Variants in FHIT observed in about 807,000 individuals in gnomAD.
FHIT encodes the protein fragile histidine triad diadenosine triphosphatase, also known as bis(5'-adenosyl)-triphosphatase.
Under a neutral mutation model 17.9 loss-of-function variants are expected in FHIT, and 19 were observed. The observed-to-expected ratio is 1.06, with a 90% confidence interval of 0.74 to 1.56. The LOEUF (loss-of-function observed/expected upper bound fraction) is 1.56. FHIT is among the 40% of genes most tolerant of loss of function. The probability of loss-of-function intolerance (pLI) is 0.00; values close to 1 mark genes in which losing one functional copy is unlikely to be tolerated. For missense variants in FHIT, 248 were observed against 189.2 expected (o/e 1.31, Z -1.82); for synonymous variants, 81 against 69.7 (o/e 1.16, Z -0.81).
At chr3:61,060,964 T>C (rs929541665) in intron 2 of FHIT, among the ~76,000 whole-genome samples, 1 of 152,234 alleles carries the variant, frequency 6.6e-6, no homozygotes, top group African/African-American at 2.4e-5. Context: ...TCACTCCTAC[T>C]GATTCATTTA....
At chr3:61,243,513 T>C (rs779826342) in intron 1 of FHIT, among the ~76,000 whole-genome samples, 10 of 152,216 alleles carry the variant, frequency 6.6e-5, no homozygotes, top group Admixed American at 4.6e-4. Flanking sequence ...GAAAACTTTA[T>C]AATAGGCAGC....
chr3:60,658,391 G>T (rs2682957), intron 4 of FHIT, among the ~76,000 whole-genome samples: 70,658 of 151,760 alleles, frequency 0.47, 17,991 homozygotes, highest in Non-Finnish European at 0.58. Context: ...CTTCTTGTGT[G>T]GTTAGTTTAT....
chr3:60,837,153 A>G (rs1424534602), intron 3 of FHIT, among the ~76,000 whole-genome samples: 1 of 152,124 alleles, frequency 6.6e-6, no homozygotes, highest in Non-Finnish European at 1.5e-5. Context: ...AGGCACAGTA[A>G]TTAGATACTA....
chr3:60,792,606 G>A (rs1700822151), intron 4 of FHIT, among the ~76,000 whole-genome samples: 1 of 152,190 alleles, frequency 6.6e-6, no homozygotes, highest in Non-Finnish European at 1.5e-5. Flanking sequence ...GATCAAACAT[G>A]ATTAAAAATG....
chr3:60,454,983 T>A (rs1249995853), intron 5 of FHIT, among the ~76,000 whole-genome samples: 1 of 152,070 alleles, frequency 6.6e-6, no homozygotes, highest in East Asian at 1.9e-4. Flanking sequence ...AGAGCTCTGA[T>A]ATGAACCCAA....
At chr3:60,625,333 AT>A (rs1270472390) in intron 4 of FHIT, among the ~76,000 whole-genome samples, 1 of 152,146 alleles carries the variant, frequency 6.6e-6, no homozygotes, top group Non-Finnish European at 1.5e-5. Context: ...TCATATGGCA[AT>A]TCGTTTTTCA....
At chr3:59,895,021 C>T (rs763250912) in intron 8 of FHIT, among the ~76,000 whole-genome samples, 1 of 152,188 alleles carries the variant, frequency 6.6e-6, no homozygotes, top group Non-Finnish European at 1.5e-5. Context: ...CAACTGGTGA[C>T]AATTTTGTCC....
chr3:60,843,920 TGACACTCTAGGG>T (rs1702831191), intron 3 of FHIT, among the ~76,000 whole-genome samples: 1 of 152,058 alleles, frequency 6.6e-6, no homozygotes, highest in Non-Finnish European at 1.5e-5. Context: ...ACCTCAATCC[TGACACTCTAGGG>T]GTAAGGCAAG....
At chr3:60,563,032 G>C (rs769992336) in intron 4 of FHIT, among the ~76,000 whole-genome samples, 30 of 152,298 alleles carry the variant, frequency 2.0e-4, no homozygotes, top group Middle Eastern at 3.4e-3. Flanking sequence ...AAAATGGCTA[G>C]CCTTTGGAAG....
intron 7 of FHIT, among the ~76,000 whole-genome samples, chr3:59,995,989 G>A (rs1033171858): frequency 2.6e-5 from 4 of 152,072 alleles, no homozygotes; most frequent in African/African-American, 4.8e-5. Context: ...GAAGAAGAGA[G>A]TGAGATGATG....
chr3:60,126,311 T>G (rs969956695), intron 5 of FHIT, among the ~76,000 whole-genome samples: 2 of 152,152 alleles, frequency 1.3e-5, no homozygotes, highest in East Asian at 1.9e-4. Flanking sequence ...ACCCCACCAG[T>G]GCCTCTCTAT....
chr3:60,559,915 G>A (rs1185447594), intron 4 of FHIT, among the ~76,000 whole-genome samples: 1 of 152,126 alleles, frequency 6.6e-6, no homozygotes, highest in Non-Finnish European at 1.5e-5. Context: ...TCTATTTAAT[G>A]GCATGAGGTC....
intron 2 of FHIT, among the ~76,000 whole-genome samples, chr3:61,094,162 G>C (rs2035569501): frequency 6.6e-6 from 1 of 151,610 alleles, no homozygotes; most frequent in South Asian, 2.1e-4. Context: ...CTCTGAAGAG[G>C]GGTCCAAAAA....
At chr3:60,219,158 T>C (rs1313752659) in intron 5 of FHIT, among the ~76,000 whole-genome samples, 1 of 152,140 alleles carries the variant, frequency 6.6e-6, no homozygotes, top group African/African-American at 2.4e-5. Context: ...TCCTACTGCA[T>C]CTGGCTTTGC....
At chr3:60,145,947 C>T (rs1700220766) in intron 5 of FHIT, among the ~76,000 whole-genome samples, 1 of 152,142 alleles carries the variant, frequency 6.6e-6, no homozygotes, top group African/African-American at 2.4e-5. Context: ...AGAAATGTCA[C>T]ATTACCTCCT....
chr3:60,662,718 T>C (rs541596587), intron 4 of FHIT, among the ~76,000 whole-genome samples: 4 of 152,286 alleles, frequency 2.6e-5, no homozygotes, highest in East Asian at 1.9e-4. Flanking sequence ...TCATCTATGA[T>C]TTCCTTAAGT....
chr3:59,909,578 C>A (rs768774445), intron 8 of FHIT, among the ~76,000 whole-genome samples: 1 of 152,166 alleles, frequency 6.6e-6, no homozygotes, highest in Non-Finnish European at 1.5e-5. Context: ...GATCCGTCCG[C>A]CTCTATCCCA....
At chr3:60,431,512 C>T (rs1464452363) in intron 5 of FHIT, among the ~76,000 whole-genome samples, 1 of 152,084 alleles carries the variant, frequency 6.6e-6, no homozygotes, top group South Asian at 2.1e-4. Flanking sequence ...ACCTCCCACA[C>T]ATACTTGAAA....
intron 2 of FHIT, among the ~76,000 whole-genome samples, chr3:61,120,946 C>G (rs1161609209): frequency 6.6e-6 from 1 of 151,544 alleles, no homozygotes. Context: ...CTTCGTAAAG[C>G]ATACACAAGT....
Sources: gnomAD v4.1 joint callset for allele counts (sites outside exome capture counted in the v4.1 genomes callset) on GRCh38, gnomAD v4.1.1 for gene constraint, MANE v1.5 for transcripts, NCBI Gene and HGNC (gene_info 2026-07-23, HGNC 2026-07-21) for gene names.